The following SCFD2 variants were observed in gnomAD, a reference collection of about 807,000 sequenced individuals.
SCFD2 encodes sec1 family domain containing 2, also known as sec1 family domain-containing protein 2.
In SCFD2, 54 loss-of-function variants were observed where a neutral mutation model predicts 58.9. That is an observed-to-expected ratio of 0.92 (90% CI 0.74 to 1.15). The LOEUF (loss-of-function observed/expected upper bound fraction) is 1.15. SCFD2 is among the 50% of genes most tolerant of loss of function. The pLI, the probability that SCFD2 is intolerant of heterozygous loss-of-function variation, is 0.00. For synonymous variants in SCFD2, 321 were observed against 335.9 expected (o/e 0.96, Z 0.49); for missense variants, 805 against 836.6 (o/e 0.96, Z 0.47).
chr4:52,989,264 T>C (rs1237091610), intron 5 of SCFD2, among the ~76,000 whole-genome samples: 1 of 152,218 alleles, frequency 6.6e-6, no homozygotes, highest in African/African-American at 2.4e-5. Flanking sequence ...TTAACCATGT[T>C]TGGTGAAATA....
chr4:53,095,411 CTA>C (rs71195199), intron 5 of SCFD2, among the ~76,000 whole-genome samples: 124,359 of 151,346 alleles, frequency 0.82, 52,636 homozygotes, highest in Non-Finnish European at 0.92. Context: ...GCATAATCTG[CTA>C]TATATATATA....
intron 6 of SCFD2, among the ~76,000 whole-genome samples, chr4:52,920,336 A>G (rs1177528591): frequency 2.0e-5 from 3 of 152,204 alleles, no homozygotes; most frequent in Non-Finnish European, 4.4e-5. Flanking sequence ...TATTCTGCTC[A>G]TTCAAAATGT....
At chr4:53,313,952 A>G (rs1732779048) in intron 2 of SCFD2, among the ~76,000 whole-genome samples, 189 bp from the exon 3 acceptor site, 1 of 152,234 alleles carries the variant, frequency 6.6e-6, no homozygotes. Context: ...TTGAGAAATT[A>G]AGGAAACAAT....
chr4:52,885,639 G>A, intron 8 of SCFD2, 108 bp downstream of exon 8: 1 of 1,314,256 alleles, frequency 7.6e-7, no homozygotes, highest in Non-Finnish European at 1.1e-6. Context: ...GAGGGTGATG[G>A]GCAGGCAGGC....
chr4:53,162,545 A>G (rs981568121), intron 4 of SCFD2, among the ~76,000 whole-genome samples: 4 of 152,210 alleles, frequency 2.6e-5, no homozygotes, highest in African/African-American at 4.8e-5. Context: ...ACTAGTTTAC[A>G]GTCCCACCAA....
chr4:53,075,432 T>C (rs1381138841), intron 5 of SCFD2, among the ~76,000 whole-genome samples: 1 of 152,222 alleles, frequency 6.6e-6, no homozygotes, highest in Non-Finnish European at 1.5e-5. Flanking sequence ...TCAAGAACTT[T>C]TCTTTTGCAT....
At chr4:53,351,174 T>G (rs1734208944) in intron 2 of SCFD2, among the ~76,000 whole-genome samples, 1 of 152,224 alleles carries the variant, frequency 6.6e-6, no homozygotes, top group African/African-American at 2.4e-5. Context: ...TGCTTGGAAG[T>G]GTATCTAGCT....
chr4:52,892,508 T>G (rs569599638), intron 7 of SCFD2, among the ~76,000 whole-genome samples: 1 of 152,352 alleles, frequency 6.6e-6, no homozygotes, highest in African/African-American at 2.4e-5. Context: ...CTTCCTATTC[T>G]TCTACTCCCT....
intron 7 of SCFD2, among the ~76,000 whole-genome samples, chr4:52,902,809 T>C (rs1719237699): frequency 6.6e-6 from 1 of 152,178 alleles, no homozygotes; most frequent in African/African-American, 2.4e-5. Context: ...TAGTAAACGG[T>C]GGAGCTTGGG....
chr4:53,263,167 T>G (rs1020054484), intron 4 of SCFD2, among the ~76,000 whole-genome samples: 1 of 152,094 alleles, frequency 6.6e-6, no homozygotes, highest in African/African-American at 2.4e-5. Context: ...CTATATCATA[T>G]TTTTGATTTC....
chr4:53,145,850 T>C (rs959721383), intron 4 of SCFD2, among the ~76,000 whole-genome samples: 4 of 151,950 alleles, frequency 2.6e-5, no homozygotes, highest in Admixed American at 2.6e-4. Flanking sequence ...CAAATAGGAG[T>C]CCATTAATTT....
At chr4:53,277,709 C>G (rs1731369009) in intron 3 of SCFD2, among the ~76,000 whole-genome samples, 1 of 152,142 alleles carries the variant, frequency 6.6e-6, no homozygotes, top group Non-Finnish European at 1.5e-5. Context: ...GCTCAGATTT[C>G]TATTGTAATA....
chr4:53,054,756 C>T (rs986956571), intron 5 of SCFD2, among the ~76,000 whole-genome samples: 2 of 151,954 alleles, frequency 1.3e-5, no homozygotes, highest in Admixed American at 6.6e-5. Flanking sequence ...TGGGCTTAAG[C>T]GATCCTTCTA....
At chr4:53,042,902 C>T (rs1240341163) in intron 5 of SCFD2, among the ~76,000 whole-genome samples, 1 of 152,034 alleles carries the variant, frequency 6.6e-6, no homozygotes, top group African/African-American at 2.4e-5. Context: ...CAAGGTTGGG[C>T]TGAATCTTCA....
chr4:53,299,398 A>C (rs930231625), intron 3 of SCFD2, among the ~76,000 whole-genome samples: 4 of 152,206 alleles, frequency 2.6e-5, no homozygotes, highest in Non-Finnish European at 5.9e-5. Context: ...TTAGAGAAAA[A>C]AGAATAAAAA....
chr4:52,931,731 G>A (rs1013909037), intron 5 of SCFD2, among the ~76,000 whole-genome samples: 2 of 152,226 alleles, frequency 1.3e-5, no homozygotes, highest in Non-Finnish European at 1.5e-5. Context: ...GGCCAGTCCA[G>A]CATCTCAGAG....
At chr4:53,364,685 T>C (rs1734642440) in intron 1 of SCFD2, among the ~76,000 whole-genome samples, 1 of 152,016 alleles carries the variant, frequency 6.6e-6, no homozygotes, top group Non-Finnish European at 1.5e-5. Context: ...TCTTGTGCAG[T>C]AGTTTTCCTT....
At chr4:53,207,263 A>G (rs1728434496) in intron 4 of SCFD2, among the ~76,000 whole-genome samples, 1 of 150,358 alleles carries the variant, frequency 6.7e-6, no homozygotes, top group Non-Finnish European at 1.5e-5. Context: ...TGGGGGACAC[A>G]TTCAAACCAC....
At chr4:53,126,971 C>T (rs955339665) in intron 5 of SCFD2, among the ~76,000 whole-genome samples, 7 of 151,576 alleles carry the variant, frequency 4.6e-5, no homozygotes, top group South Asian at 2.1e-4. Flanking sequence ...AGTACCTGAC[C>T]GGAAAACAAG....
Sources: gnomAD v4.1 joint callset for allele counts (sites outside exome capture counted in the v4.1 genomes callset) on GRCh38, gnomAD v4.1.1 for gene constraint, MANE v1.5 for transcripts, NCBI Gene and HGNC (gene_info 2026-07-23, HGNC 2026-07-21) for gene names.